FCHO1: variants seen among roughly 807,000 people sequenced by gnomAD.
FCHO1 encodes the protein F-BAR domain only protein 1.
In FCHO1, 45 loss-of-function variants were observed where a neutral mutation model predicts 114.4. The observed-to-expected ratio is 0.39, with a 90% CI of 0.31 to 0.50. The LOEUF (loss-of-function observed/expected upper bound fraction) is 0.50, where lower values mean the gene tolerates loss of function less well. FCHO1 is among the 20% of genes least tolerant of loss of function. The probability of loss-of-function intolerance (pLI) is 0.77; values close to 1 mark genes in which losing one functional copy is unlikely to be tolerated. For missense variants in FCHO1, 1,042 were observed against 1,209.6 expected, an observed-to-expected ratio of 0.86 and a Z score of 2.06; for synonymous variants, 480 against 488.9, an observed-to-expected ratio of 0.98 and a Z score of 0.24.
intron 7 of FCHO1, among the ~76,000 whole-genome samples, chr19:17,769,455 T>A (rs1171615675): frequency 5.3e-5 from 8 of 150,540 alleles, no homozygotes; most frequent in Non-Finnish European, 1.0e-4. Context: ...TGGCGGCGCC[T>A]GTAGTCTCAG....
At chr19:17,787,984 G>T in intron 28 of FCHO1, 138 bp downstream of exon 28, 3 of 1,110,638 alleles carry the variant, frequency 2.7e-6, no homozygotes, top group Middle Eastern at 3.0e-4. Context: ...ACCCCAGATG[G>T]GGGGCACAGG....
intron 4 of FCHO1, among the ~76,000 whole-genome samples, chr19:17,758,219 A>G (rs1314998177): frequency 6.6e-6 from 1 of 152,006 alleles, no homozygotes; most frequent in African/African-American, 2.4e-5. Flanking sequence ...CGTCTCAAAA[A>G]AAAAAAAGAG....
At chr19:17,760,869 G>C (rs912199363) in intron 4 of FCHO1, among the ~76,000 whole-genome samples, 1 of 151,962 alleles carries the variant, frequency 6.6e-6, no homozygotes, top group Non-Finnish European at 1.5e-5. Flanking sequence ...GGCTGGTCTC[G>C]AACTCAAGAC....
intron 7 of FCHO1, among the ~76,000 whole-genome samples, chr19:17,767,628 G>A (rs568248728): frequency 6.6e-6 from 1 of 151,142 alleles, no homozygotes; most frequent in Non-Finnish European, 1.5e-5. Context: ...ATTATTAAAG[G>A]GTTAGAAAAA....
chr19:17,770,944 C>G (rs1287533322), intron 9 of FCHO1, 48 bp downstream of exon 9: 1 of 1,532,526 alleles, frequency 6.5e-7, no homozygotes, highest in Non-Finnish European at 9.0e-7. Flanking sequence ...TGCCTTTGCC[C>G]TGGAGGTTAT....
chr19:17,753,657 A>G (rs2082574169), intron 1 of FCHO1: 1 of 152,322 alleles, frequency 6.6e-6, no homozygotes, highest in African/African-American at 2.4e-5. Context: ...AATGGGTCCA[A>G]TTAAACTAAC....
rs34991275 is a variant in FCHO1, at chr19:17,778,038, C to CA, written c.1260-87dup. The CA allele has an allele frequency of 0.39, 259,121 of 660,310 alleles. 18,942 individuals carry two copies. The highest frequency in any genetic ancestry group is 0.43 in the Non-Finnish European group (173,776 of 404,366). The allele number at this position is 660,310 out of a possible 1,614,324, so 40.9% of individuals were successfully genotyped here. A position where few individuals can be genotyped will look rare whatever the true frequency, so the allele number is the denominator to read the frequency against. On this transcript the variant is annotated intron_variant, in intron 18 of 28. Coordinates refer to ENST00000596536, the MANE Select transcript of FCHO1 (RefSeq NM_015122.3). ...TGGCCGACAGAGCAAGACTCCGTCT[C>CA]AAAAAAAAAAAAGACTGGGAACAGC... is the stretch of plus-strand genomic sequence containing the variant.
Position 17,778,798 on chromosome 19 carries a change from G to C in FCHO1, c.1541G>C (p.Gly514Ala), listed in dbSNP as rs1271426472. 6.5e-7 allele frequency: 1 copy of C among 1,542,020 alleles called. No homozygotes were observed. The highest frequency in any genetic ancestry group is 2.4e-5 in the East Asian group (1 of 41,646). Reference sequence around the variant, plus strand: ...AGGGCGCCACCCCCAGAGGCCAGGGGTATCCGGGCACCGCCTCTGCCAGAC... The same window carrying C: ...AGGGCGCCACCCCCAGAGGCCAGGGCTATCCGGGCACCGCCTCTGCCAGAC... Reference protein sequence around the residue: ...SCRAPPPEARGIRAPPLPDSP... With the variant: ...SCRAPPPEARAIRAPPLPDSP... Residue 514 changes from glycine to alanine, a missense_variant, in exon 20 of 29, where the codon GGT becomes GCT. Physicochemically the swap from Gly to Ala is moderately conservative, Grantham distance 60 (BLOSUM62 0). Around this residue, in one of 3 missense-constraint regions of FCHO1, gnomAD observed 455 missense variants for 455.4 expected, o/e 1.00. Coordinates refer to ENST00000596536, the MANE Select transcript of FCHO1 (RefSeq NM_015122.3).
intron 6 of FCHO1, among the ~76,000 whole-genome samples, chr19:17,764,661 A>G (rs572718013): frequency 1.1e-4 from 17 of 152,192 alleles, no homozygotes; most frequent in Non-Finnish European, 2.5e-4. Context: ...AAGCACCAGC[A>G]GCAACCCAGA....
intron 8 of FCHO1, 78 bp downstream of exon 8, chr19:17,770,655 C>G: frequency 6.3e-7 from 1 of 1,577,666 alleles, no homozygotes; most frequent in South Asian, 1.1e-5. Flanking sequence ...GGAAACACAT[C>G]CCAGAGCGAC....
Position 17,776,722 on chromosome 19 carries a change from C to CCCACTTCCTCCCT in FCHO1, c.1259+40_1259+41insTTCCTCCCTCCAC. ...CACGAGTGGGCAGGTGGGGGCTGTC[C>CCCACTTCCTCCCT]CCACCTCCTCCCTCCACCTCCCCAT... On this transcript the variant is annotated intron_variant, in intron 18 of 28. Transcript: ENST00000596536. This position sits in a 1 kb window ranked among gnomAD's most constrained non-coding sequence, Gnocchi z 4.4. 1.3e-6 allele frequency: 2 copies of CCCACTTCCTCCCT among 1,594,834 alleles called. No individual in the cohort carries two copies. The highest frequency in any genetic ancestry group is 1.7e-6 in the Non-Finnish European group (2 of 1,164,104).
In FCHO1 at chr19:17,763,281, T is replaced by A. The variant is rs1306553009; in HGVS notation, c.119+428T>A. Among the ~76,000 whole-genome samples the A allele has an allele frequency of 4.7e-4, 43 of 90,580 alleles. No individual in the cohort carries two copies. The South Asian group carries it at 6.0e-3, about 13-fold the overall frequency. 59.4% of individuals were successfully genotyped at this position (90,580 alleles called of 152,430 possible). On this transcript the variant is annotated intron_variant, in intron 5 of 28. Transcript: ENST00000596536. The stretch of plus-strand genomic sequence containing the variant: ...TGGCTTTTTTTTTTTTTTTTTTTTT[T>A]AAACAGAGTTTTGCTCTTGTTGCCC...
Position 17,755,176 on chromosome 19 carries a change from T to G in FCHO1, c.12T>G (p.Phe4Leu). ...CAGAGACCATCAGGATGTCGTATTT[T>G]GGGGAGCATTTTTGGGTAAGACCCA... is the stretch of plus-strand genomic sequence containing the variant. MSYFGEHFWGEKNH... is the reference protein window; with the variant it reads MSYLGEHFWGEKNH... The change falls in exon 4 of 29, where the codon TTT becomes TTG. Residue 4 changes from phenylalanine (F) to leucine (L), a missense_variant. Physicochemically the swap from Phe to Leu is conservative, Grantham distance 22. Around this residue, in one of 3 missense-constraint regions of FCHO1, gnomAD observed 450 missense variants for 564.1 expected, o/e 0.80. Coordinates refer to ENST00000596536, the MANE Select transcript of FCHO1 (RefSeq NM_015122.3). 1 of 1,611,214 alleles carries G rather than the reference T, an allele frequency of 6.2e-7. No homozygotes were observed.
chr19:17,774,422 C>T lies in FCHO1; in HGVS notation c.864C>T (p.Ala288=). 6.2e-7 allele frequency: 1 copy of T among 1,613,972 alleles called. No individual in the cohort carries two copies. The highest frequency in any genetic ancestry group is 8.5e-7 in the Non-Finnish European group (1 of 1,180,028). The stretch of plus-strand genomic sequence containing the variant: ...TGAAACGTTTGCGGGGAGCCAAGGC[C>T]TTTCGCCTTCCAGGACTAAGCCGGC... ...EAMKRLRGAK[A]FRLPGLSRRE... The change falls in exon 13 of 29, where the codon GCC becomes GCT. Residue 288 remains alanine (A), a synonymous_variant. Coordinates refer to ENST00000596536, the MANE Select transcript of FCHO1 (RefSeq NM_015122.3).
In FCHO1 at chr19:17,775,405, A is replaced by T. The variant is rs766594094; in HGVS notation, c.946-51A>T. On this transcript the variant is annotated intron_variant, in intron 14 of 28. Transcript: ENST00000596536. The surrounding 1 kb of genome is among the most constrained non-coding windows in gnomAD (Gnocchi z 5.1). ...GGGGGCGGTTGGCAGGGTGAGATGG[A>T]AGGTTCGATAGTGGGGCGCCTGACT... The T allele has an allele frequency of 6.4e-7, 1 of 1,571,826 alleles. No homozygotes were observed. Among genetic ancestry groups the T allele is most frequent in the South Asian group, 1.1e-5 (1 of 90,198 alleles).
Position 17,787,657 on chromosome 19 carries a change from C to T in FCHO1, c.2483-25C>T, listed in dbSNP as rs544447773. The T allele has an allele frequency of 3.8e-5, 58 of 1,537,806 alleles. No homozygotes were observed. The African/African-American group carries it at 4.5e-4, about 12-fold the overall frequency. The stretch of plus-strand genomic sequence containing the variant: ...GCTGGGACGGGGGCTGGTGCCAGGG[C>T]GCAGCTGACTGCAGGTCTCCCCAGG... On this transcript the variant is annotated intron_variant, in intron 27 of 28. Coordinates refer to ENST00000596536, the MANE Select transcript of FCHO1 (RefSeq NM_015122.3).
chr19:17,753,374 C>T (rs1272515032), intron 1 of FCHO1, among the ~76,000 whole-genome samples: 1 of 152,292 alleles, frequency 6.6e-6, no homozygotes, highest in East Asian at 1.9e-4. Context: ...AATTCCTTGC[C>T]CAGTGAACTC....
chr19:17,773,201 A>G lies in FCHO1; in HGVS notation c.790+460A>G, dbSNP rs1478898541. ...TTAAGAGCAAAAGTTTTAGAGTGAG[A>G]CGTGGGTTTGAGTCTTTTCTTCATC... is the stretch of plus-strand genomic sequence containing the variant. On this transcript the variant is annotated intron_variant, in intron 11 of 28. Transcript: ENST00000596536. Among the ~76,000 whole-genome samples, 4 of 152,160 alleles carry G rather than the reference A, an allele frequency of 2.6e-5. No homozygotes were observed. The East Asian group carries it at 7.7e-4, about 29-fold the overall frequency.
chr19:17,756,385 G>A (rs1018110438), intron 4 of FCHO1, among the ~76,000 whole-genome samples: 1 of 152,162 alleles, frequency 6.6e-6, no homozygotes, highest in Non-Finnish European at 1.5e-5. Flanking sequence ...TTGGAACCCC[G>A]ACAGTGGCAC....
Sources: allele counts gnomAD v4.1 joint callset (sites outside exome capture counted in the v4.1 genomes callset), GRCh38; gene constraint gnomAD v4.1.1; regional missense constraint gnomAD v4.1.1; non-coding constraint Gnocchi (gnomAD v3.1); transcripts MANE v1.5; gene names NCBI Gene and HGNC (gene_info 2026-07-23, HGNC 2026-07-21).